Variants in ZNF136 observed in about 807,000 individuals in gnomAD.
ZNF136 encodes the protein zinc finger protein 136.
ZNF136 carries 8 observed loss-of-function variants against 11.4 expected under a neutral mutation model. The ratio of observed to expected loss-of-function variants is 0.70; its 90% CI spans 0.41 to 1.27. ZNF136 has a LOEUF of 1.27. ZNF136 is among the 50% of genes most tolerant of loss of function. The pLI, the probability that ZNF136 is intolerant of heterozygous loss-of-function variation, is 0.01. For missense variants in ZNF136, 590 were observed against 656.5 expected (o/e 0.90, Z 1.11); for synonymous variants, 190 against 207.1 (o/e 0.92, Z 0.71).
intron 1 of ZNF136, among the ~76,000 whole-genome samples, chr19:12,169,984 C>CG (rs1453364976): frequency 6.6e-5 from 10 of 151,764 alleles, no homozygotes; most frequent in Admixed American, 2.6e-4. Context: ...TTAGTAGAGA[C>CG]GGGGTTTCAC....
At chr19:12,169,944 G>A (rs553936039) in intron 1 of ZNF136, among the ~76,000 whole-genome samples, 12 of 152,062 alleles carry the variant, frequency 7.9e-5, no homozygotes, top group Non-Finnish European at 1.5e-4. Flanking sequence ...ACAGGCGCCT[G>A]CCACCACGTC....
intron 1 of ZNF136, among the ~76,000 whole-genome samples, chr19:12,182,351 T>C (rs1914966199): frequency 6.6e-6 from 1 of 152,220 alleles, no homozygotes; most frequent in Non-Finnish European, 1.5e-5. Context: ...CTGTCCTCTC[T>C]TTTCCTGGTC....
In ZNF136 at chr19:12,187,960, G is replaced by GTT; in HGVS notation, c.1582_1583insTT (p.Glu528ValfsTer24). The GTT allele has an allele frequency of 1.9e-6, 3 of 1,545,454 alleles. No homozygotes were observed. Among genetic ancestry groups the GTT allele is most frequent in the Non-Finnish European group, 2.6e-6 (3 of 1,153,054 alleles). The stretch of plus-strand genomic sequence containing the variant: ...TCAGAGACACATGTTAACACATGCT[G>GTT]AAGATGGACCACCTTATAAATGCAT... On this transcript the variant is annotated frameshift_variant, in exon 4 of 4. Coordinates refer to ENST00000343979, the MANE Select transcript of ZNF136 (RefSeq NM_003437.5). LOFTEE classifies it low-confidence loss of function (END_TRUNC).
In ZNF136 at chr19:12,187,648, C is replaced by G; in HGVS notation, c.1270C>G (p.His424Asp). 1 of 1,614,044 alleles carries G rather than the reference C, an allele frequency of 6.2e-7. No homozygotes were observed. The highest frequency in any genetic ancestry group is 8.5e-7 in the Non-Finnish European group (1 of 1,179,990). ...TGGAGAGAAACCTTATGTATGTAAACATTGTGGTAAAGCTTTCGTTTCTTC... is the reference window on the plus strand; with the variant it reads ...TGGAGAGAAACCTTATGTATGTAAAGATTGTGGTAAAGCTTTCGTTTCTTC... Reference protein sequence around the residue: ...HTGEKPYVCKHCGKAFVSSTS... With the variant: ...HTGEKPYVCKDCGKAFVSSTS... Residue 424 changes from histidine to aspartate, a missense_variant, in exon 4 of 4, where the codon CAT becomes GAT. Coordinates refer to ENST00000343979, the MANE Select transcript of ZNF136 (RefSeq NM_003437.5).
intron 1 of ZNF136, among the ~76,000 whole-genome samples, chr19:12,170,452 A>G (rs1479158200): frequency 1.3e-5 from 2 of 151,708 alleles, no homozygotes; most frequent in African/African-American, 4.8e-5. Flanking sequence ...CAGTGGTGCA[A>G]TCACAGCTCA....
At chr19:12,183,865 G>A (rs539845566) in intron 1 of ZNF136, among the ~76,000 whole-genome samples, 1 of 152,250 alleles carries the variant, frequency 6.6e-6, no homozygotes, top group Non-Finnish European at 1.5e-5. Context: ...ACCTCCCAAT[G>A]TGATGGAATT....
At chr19:12,165,347 A>G (rs1977171246) in intron 1 of ZNF136, among the ~76,000 whole-genome samples, 1 of 152,162 alleles carries the variant, frequency 6.6e-6, no homozygotes, top group African/African-American at 2.4e-5. Flanking sequence ...CCAGGTCAGC[A>G]CTGCTTCTCC....
intron 1 of ZNF136, among the ~76,000 whole-genome samples, chr19:12,182,956 T>C (rs965413349): frequency 6.6e-6 from 1 of 152,222 alleles, no homozygotes; most frequent in Non-Finnish European, 1.5e-5. Context: ...ATGTAAAATG[T>C]ATTTTACCAT....
chr19:12,179,343 T>G (rs1306385001), intron 1 of ZNF136, among the ~76,000 whole-genome samples: 1 of 150,614 alleles, frequency 6.6e-6, no homozygotes, highest in Admixed American at 6.7e-5. Context: ...GGAGTCTCAC[T>G]CTGTCGGCCA....
At position 12,163,154 on chromosome 19, in the gene ZNF136, C is replaced by T. The variant is rs765698317; in HGVS notation, c.-50C>T. ...AGTCTCTGTGGCGCGGTTTCCTGTACCTGCCTTGGGATCCGGAGGGAGGAA... is the reference window on the plus strand; with the variant it reads ...AGTCTCTGTGGCGCGGTTTCCTGTATCTGCCTTGGGATCCGGAGGGAGGAA... On this transcript the variant is annotated 5_prime_UTR_variant, in exon 1 of 4. Coordinates refer to ENST00000343979, the MANE Select transcript of ZNF136 (RefSeq NM_003437.5). 1 of 1,398,222 alleles carries T rather than the reference C, an allele frequency of 7.2e-7. No individual in the cohort carries two copies. Among genetic ancestry groups the T allele is most frequent in the Admixed American group, 2.8e-5 (1 of 35,460 alleles). 86.6% of individuals were successfully genotyped at this position (1,398,222 alleles called of 1,614,324 possible).
intron 1 of ZNF136, among the ~76,000 whole-genome samples, chr19:12,179,846 A>C (rs1914896741): frequency 6.6e-6 from 1 of 152,156 alleles, no homozygotes; most frequent in South Asian, 2.1e-4. Flanking sequence ...CCTCAGTTGA[A>C]ATATATAAAT....
rs777375982 is a variant in ZNF136, at chr19:12,187,924, C to T, written c.1546C>T (p.Arg516Cys). 2.4e-5 allele frequency: 38 copies of T among 1,573,438 alleles called. No individual in the cohort carries two copies. The highest frequency in any genetic ancestry group is 1.6e-4 in the East Asian group (7 of 44,738). The change falls in exon 4 of 4, where the codon CGT (arginine) becomes TGT (cysteine). Residue 516 changes from arginine (R) to cysteine (C), a missense_variant. Transcript: ENST00000343979. ...GGAATGTGGGAAAGCCTATTCTTGC[C>T]GTGCCAGCTTTCAGAGACACATGTT... is the stretch of plus-strand genomic sequence containing the variant. ...CKECGKAYSC[R>C]ASFQRHMLTH...
intron 1 of ZNF136, among the ~76,000 whole-genome samples, chr19:12,168,417 T>C (rs1237897138): frequency 6.6e-6 from 1 of 151,930 alleles, no homozygotes; most frequent in African/African-American, 2.4e-5. Flanking sequence ...AGGCTGGATA[T>C]TGAGTTCTGT....
At chr19:12,174,897 G>A (rs1039169554) in intron 1 of ZNF136, among the ~76,000 whole-genome samples, 1 of 121,170 alleles carries the variant, frequency 8.3e-6, no homozygotes, top group Non-Finnish European at 1.6e-5. Flanking sequence ...TTGCTCTGTT[G>A]CCCAGGCTGG....
rs1385385570 is a variant in ZNF136 at position 12,189,048 on chromosome 19, T to C, written c.*1047T>C. ...AATCCTGTAAGTAATCTGAAAGCAA[T>C]AGTGCATGAATTTCATAGGTAGTGT... On this transcript the variant is annotated 3_prime_UTR_variant, in exon 4 of 4. Coordinates refer to ENST00000343979, the MANE Select transcript of ZNF136 (RefSeq NM_003437.5). 1 of 152,182 alleles carries C rather than the reference T, an allele frequency of 6.6e-6. No individual in the cohort carries two copies. Among genetic ancestry groups the C allele is most frequent in the African/African-American group, 2.4e-5 (1 of 41,450 alleles). 9.4% of individuals were successfully genotyped at this position (152,182 alleles called of 1,614,324 possible). A position where few individuals can be genotyped will look rare whatever the true frequency, so the allele number is the denominator to read the frequency against.
At chr19:12,182,105 A>T (rs1310126656) in intron 1 of ZNF136, among the ~76,000 whole-genome samples, 2 of 152,106 alleles carry the variant, frequency 1.3e-5, no homozygotes, top group African/African-American at 4.8e-5. Flanking sequence ...TTAGAGAAAG[A>T]TGTCATATTT....
At position 12,188,058 on chromosome 19, in the gene ZNF136, T is replaced by G; in HGVS notation, c.*57T>G. On this transcript the variant is annotated 3_prime_UTR_variant, in exon 4 of 4. Coordinates refer to ENST00000343979, the MANE Select transcript of ZNF136 (RefSeq NM_003437.5). ...ACTCACTGAAGAGAAGCCCTATGAA[T>G]GTAAGTAACGTGGGAAAGCATGAAA... The G allele has an allele frequency of 1.4e-6, 2 of 1,401,276 alleles. No individual in the cohort carries two copies. Among genetic ancestry groups the G allele is most frequent in the Admixed American group, 2.7e-5 (1 of 37,220 alleles). The allele number at this position is 1,401,276 out of a possible 1,614,324, so 86.8% of individuals were successfully genotyped here. A position where few individuals can be genotyped will look rare whatever the true frequency, so the allele number is the denominator to read the frequency against.
intron 1 of ZNF136, among the ~76,000 whole-genome samples, chr19:12,179,980 C>T (rs889383381): frequency 1.1e-4 from 16 of 152,082 alleles, no homozygotes; most frequent in African/African-American, 3.9e-4. Flanking sequence ...ATTCTCCTGC[C>T]TCAGCCTCCC....
chr19:12,180,027 G>C (rs547964980), intron 1 of ZNF136, among the ~76,000 whole-genome samples: 1 of 151,810 alleles, frequency 6.6e-6, no homozygotes, highest in Non-Finnish European at 1.5e-5. Flanking sequence ...CACCACACCC[G>C]GCTAATTTTT....
Sources: allele counts gnomAD v4.1 joint callset (sites outside exome capture counted in the v4.1 genomes callset), GRCh38; gene constraint gnomAD v4.1.1; transcripts MANE v1.5; gene names NCBI Gene and HGNC (gene_info 2026-07-23, HGNC 2026-07-21).